The following NSUN2 variants were observed in gnomAD, a reference collection of about 807,000 sequenced individuals.
NSUN2 encodes RNA cytosine C(5)-methyltransferase NSUN2.
In NSUN2, 63 loss-of-function variants were observed where a neutral mutation model predicts 92.7. That is an observed-to-expected ratio of 0.68 (90% confidence interval 0.56 to 0.84). The LOEUF (loss-of-function observed/expected upper bound fraction) is 0.84. NSUN2 is among the 40% of genes least tolerant of loss of function. The probability of loss-of-function intolerance (pLI) is 0.00; values close to 1 mark genes in which losing one functional copy is unlikely to be tolerated. For missense variants in NSUN2, 989 were observed against 964.9 expected (o/e 1.02, Z -0.33); for synonymous variants, 356 against 348.3 (o/e 1.02, Z -0.25).
At chr5:6,606,947 G>T in intron 13 of NSUN2, 35 bp from the exon 14 acceptor site, 1 of 1,234,860 alleles carries the variant, frequency 8.1e-7, no homozygotes, top group Non-Finnish European at 1.2e-6. Context: ...AAATCAATCT[G>T]TAATGTGTGG....
chr5:6,618,674 T>C (rs1737315810), intron 7 of NSUN2, among the ~76,000 whole-genome samples: 1 of 152,242 alleles, frequency 6.6e-6, no homozygotes, highest in South Asian at 2.1e-4. Context: ...TAGCTAAATT[T>C]TTCTTACAAT....
intron 3 of NSUN2, among the ~76,000 whole-genome samples, chr5:6,629,874 T>C (rs1469615119): frequency 2.6e-5 from 4 of 152,214 alleles, no homozygotes; most frequent in African/African-American, 9.7e-5. Flanking sequence ...CCTGCCACCC[T>C]GTGCAGAGAG....
At chr5:6,615,591 A>C (rs543462456) in intron 9 of NSUN2, among the ~76,000 whole-genome samples, 9 of 134,576 alleles carry the variant, frequency 6.7e-5, no homozygotes, top group Non-Finnish European at 1.3e-4. Context: ...ACAACATTAC[A>C]TTCCAGCTTA....
chr5:6,618,205 T>C (rs1737293558), intron 7 of NSUN2, among the ~76,000 whole-genome samples, 181 bp from the exon 8 acceptor site: 1 of 152,228 alleles, frequency 6.6e-6, no homozygotes, highest in Admixed American at 6.5e-5. Flanking sequence ...TTCTAATGTA[T>C]TATAGTTTTA....
chr5:6,600,892 G>A (rs942552216), intron 18 of NSUN2, among the ~76,000 whole-genome samples: 40 of 152,172 alleles, frequency 2.6e-4, no homozygotes, highest in Non-Finnish European at 4.7e-4. Context: ...CTGCCTCTCT[G>A]AACATGCTCC....
chr5:6,605,975 T>A (rs114569699), intron 14 of NSUN2, among the ~76,000 whole-genome samples: 2,646 of 152,248 alleles, frequency 0.017, 36 homozygotes, highest in South Asian at 0.028. Flanking sequence ...TGTGCCCGGC[T>A]GAGACTTATT....
At chr5:6,601,667 C>T (rs548378197) in intron 18 of NSUN2, among the ~76,000 whole-genome samples, 10 of 152,110 alleles carry the variant, frequency 6.6e-5, no homozygotes, top group Admixed American at 2.0e-4. Context: ...TCAGGATCTG[C>T]GCTTTGGTGG....
At chr5:6,601,494 T>C (rs978830698) in intron 18 of NSUN2, among the ~76,000 whole-genome samples, 5 of 151,922 alleles carry the variant, frequency 3.3e-5, no homozygotes, top group Non-Finnish European at 5.9e-5. Flanking sequence ...ACCAAGTTCC[T>C]GCCCCTCCCA....
At chr5:6,611,570 T>C (rs1363002713) in intron 10 of NSUN2, among the ~76,000 whole-genome samples, 155 bp downstream of exon 10, 3 of 151,762 alleles carry the variant, frequency 2.0e-5, no homozygotes, top group African/African-American at 7.3e-5. Context: ...TGTCATGAAA[T>C]GTGTCATGAA....
At chr5:6,608,230 C>T (rs1386829446) in intron 12 of NSUN2, among the ~76,000 whole-genome samples, 1 of 152,204 alleles carries the variant, frequency 6.6e-6, no homozygotes, top group Non-Finnish European at 1.5e-5. Flanking sequence ...AGTGAGGGCA[C>T]ACGCCCTTCC....
intron 18 of NSUN2, 110 bp from the exon 19 acceptor site, chr5:6,600,342 A>C: frequency 1.0e-6 from 1 of 991,892 alleles, no homozygotes; most frequent in Non-Finnish European, 1.5e-6. Flanking sequence ...ACCCATACCC[A>C]CAAAACCCCC....
At chr5:6,613,972 C>T (rs1423906395) in intron 9 of NSUN2, among the ~76,000 whole-genome samples, 1 of 151,982 alleles carries the variant, frequency 6.6e-6, no homozygotes, top group African/African-American at 2.4e-5. Flanking sequence ...TGGCACATGC[C>T]TGTAGTCCCA....
intron 17 of NSUN2, 158 bp downstream of exon 17, chr5:6,603,980 G>C: frequency 1.5e-6 from 1 of 670,594 alleles, no homozygotes; most frequent in South Asian, 1.9e-5. Context: ...ATTCTGAACT[G>C]TCAATCAGGG....
intron 12 of NSUN2, 79 bp downstream of exon 12, chr5:6,609,747 T>C: frequency 1.8e-6 from 2 of 1,124,210 alleles, no homozygotes; most frequent in South Asian, 2.7e-5. Flanking sequence ...TCCTCTGTAC[T>C]TCTACTAAAC....
intron 17 of NSUN2, among the ~76,000 whole-genome samples, chr5:6,602,893 A>G (rs1331203882): frequency 6.6e-6 from 1 of 152,246 alleles, no homozygotes; most frequent in Non-Finnish European, 1.5e-5. Context: ...CAATACTGCA[A>G]TCATCTAAGT....
rs191049951 is a variant in NSUN2, at chr5:6,605,067, C to A, written c.1737+206G>T. On this transcript the variant is annotated intron_variant, in intron 15 of 18. Transcript: ENST00000264670. ...GAATGGGGCACAGAAAAGACACAGG[C>A]CACCAGATTCAGGACTCTGGCAGGA... The A allele has an allele frequency of 1.2e-4, 79 of 686,728 alleles. No individual in the cohort carries two copies. The African/African-American group carries it at 1.3e-3, about 11-fold the overall frequency. 42.5% of individuals were successfully genotyped at this position (686,728 alleles called of 1,614,324 possible). A position where few individuals can be genotyped will look rare whatever the true frequency, so the allele number is the denominator to read the frequency against.
At chr5:6,620,029 T>G (rs995673148) in intron 7 of NSUN2, 77 bp downstream of exon 7, 1 of 1,250,188 alleles carries the variant, frequency 8.0e-7, no homozygotes, top group Non-Finnish European at 1.1e-6. Flanking sequence ...GTCATATTCA[T>G]GCACAACTTC....
chr5:6,609,158 A>T (rs1736892978), intron 12 of NSUN2, among the ~76,000 whole-genome samples: 1 of 152,206 alleles, frequency 6.6e-6, no homozygotes, highest in South Asian at 2.1e-4. Context: ...AAAGAAATAC[A>T]GACTTCCAGA....
rs11743026 is a variant in NSUN2, at chr5:6,633,027, C to G, written c.-48G>C. 2 of 1,405,804 alleles carry G rather than the reference C, an allele frequency of 1.4e-6. No homozygotes were observed. Among genetic ancestry groups the G allele is most frequent in the Non-Finnish European group, 9.2e-7 (1 of 1,088,770 alleles). 87.1% of individuals were successfully genotyped at this position (1,405,804 alleles called of 1,614,324 possible). A position where few individuals can be genotyped will look rare whatever the true frequency, so the allele number is the denominator to read the frequency against. Reference sequence around the variant, plus strand: ...GCACGCAGAAACCGGCCCGCCACGGCCAGAACTCTAGCCCTACACCTCCCG... The same window carrying G: ...GCACGCAGAAACCGGCCCGCCACGGGCAGAACTCTAGCCCTACACCTCCCG... On this transcript the variant is annotated 5_prime_UTR_variant, in exon 1 of 19. Transcript: ENST00000264670.
Sources: gnomAD v4.1 joint callset for allele counts (sites outside exome capture counted in the v4.1 genomes callset) on GRCh38, gnomAD v4.1.1 for gene constraint, MANE v1.5 for transcripts, NCBI Gene and HGNC (gene_info 2026-07-23, HGNC 2026-07-21) for gene names.